Variants in DPP9 observed in about 807,000 individuals in gnomAD.
DPP9 encodes the protein dipeptidyl peptidase IV-related protein-2.
In DPP9, 50 loss-of-function variants were observed where a neutral mutation model predicts 110.7. The ratio of observed to expected loss-of-function variants is 0.45; its 90% CI spans 0.36 to 0.57. DPP9 has a LOEUF of 0.57. DPP9 is among the 20% of genes least tolerant of loss of function. DPP9 has a pLI of 0.00. For synonymous variants in DPP9, 561 were observed against 514.4 expected (o/e 1.09, Z -1.23); for missense variants, 1,022 against 1,217.9 (o/e 0.84, Z 2.39).
intron 2 of DPP9, among the ~76,000 whole-genome samples, chr19:4,720,343 C>T (rs2093265282): frequency 6.6e-6 from 1 of 152,198 alleles, no homozygotes; most frequent in Admixed American, 6.5e-5. Flanking sequence ...ACACTTGCCT[C>T]CTTCTTGTCC....
At chr19:4,715,013 T>C (rs1405287216) in intron 3 of DPP9, among the ~76,000 whole-genome samples, 2 of 137,282 alleles carry the variant, frequency 1.5e-5, no homozygotes, top group Admixed American at 8.4e-5. Context: ...TGTTTATATA[T>C]ATATACTTTT....
Position 4,695,312 on chromosome 19 carries a change from G to A in DPP9, c.1353+66C>T, listed in dbSNP as rs953623295. 1.4e-5 allele frequency: 21 copies of A among 1,457,712 alleles called. No individual in the cohort carries two copies. Among genetic ancestry groups the A allele is most frequent in the Non-Finnish European group, 1.7e-5 (19 of 1,094,528 alleles). The allele number at this position is 1,457,712 out of a possible 1,614,324, so 90.3% of individuals were successfully genotyped here. A position where few individuals can be genotyped will look rare whatever the true frequency, so the allele number is the denominator to read the frequency against. On this transcript the variant is annotated intron_variant, in intron 12 of 21. Transcript: ENST00000262960. This position sits in a 1 kb window ranked among gnomAD's most constrained non-coding sequence, Gnocchi z 4.7. The stretch of plus-strand genomic sequence containing the variant: ...CCATTGGCGCTCAGCCTTCTAGGAC[G>A]TGGGGGTGGGGACAGTGTGACTCCA...
In DPP9 at chr19:4,685,898, A is replaced by G; in HGVS notation, c.1886-127T>C. On this transcript the variant is annotated intron_variant, in intron 16 of 21. Coordinates refer to ENST00000262960, the MANE Select transcript of DPP9 (RefSeq NM_139159.5). This position sits in a 1 kb window ranked among gnomAD's most constrained non-coding sequence, Gnocchi z 5.8. ...ACCCCCTCTTTTCCTGGGCTTCCCG[A>G]GAGTTGATAATTGAAAAAAACGTTT... The G allele has an allele frequency of 2.6e-6, 3 of 1,136,464 alleles. No individual in the cohort carries two copies. Among genetic ancestry groups the G allele is most frequent in the South Asian group, 1.6e-5 (1 of 62,778 alleles). 70.4% of individuals were successfully genotyped at this position (1,136,464 alleles called of 1,614,324 possible).
chr19:4,721,837 T>A (rs965372945), intron 2 of DPP9, among the ~76,000 whole-genome samples: 1 of 151,766 alleles, frequency 6.6e-6, no homozygotes, highest in African/African-American at 2.4e-5. Flanking sequence ...AGGGAAGAGG[T>A]TAAGCATAAA....
At chr19:4,717,089 G>T (rs1430210337) in intron 3 of DPP9, among the ~76,000 whole-genome samples, 7 of 152,182 alleles carry the variant, frequency 4.6e-5, no homozygotes, top group Admixed American at 4.6e-4. Context: ...CGACCCCAAA[G>T]AAATGACAGG....
Position 4,695,453 on chromosome 19 carries a change from T to C in DPP9, c.1278A>G (p.Leu426=). Residue 426 remains leucine, a synonymous_variant, in exon 12 of 22, where the codon CTA becomes CTG. Coordinates refer to ENST00000262960, the MANE Select transcript of DPP9 (RefSeq NM_139159.5). The surrounding 1 kb of genome is among the most constrained non-coding windows in gnomAD (Gnocchi z 4.7). ...TCCTGGGGACAGCTCTGGCAGAGGC[T>C]AGCCGCTGCTCCTCATTCTCTGTGC... The part of the protein sequence containing the change: ...IPSTENEEQR[L]ASARAVPRNV... 6.3e-7 allele frequency: 1 copy of C among 1,589,852 alleles called. No homozygotes were observed. Among genetic ancestry groups the C allele is most frequent in the Non-Finnish European group, 8.6e-7 (1 of 1,168,882 alleles).
In DPP9 at chr19:4,714,136, C is replaced by T; in HGVS notation, c.258G>A (p.Gln86=). 1 of 1,613,570 alleles carries T rather than the reference C, an allele frequency of 6.2e-7. No individual in the cohort carries two copies. The change falls in exon 4 of 22, where the codon CAG becomes CAA. Residue 86 remains glutamine (Q), a synonymous_variant. Transcript: ENST00000262960. The stretch of plus-strand genomic sequence containing the variant: ...CAGACTCATCCGTCTTCTGCACAAA[C>T]TGGAAGTCGTGGGGCGCCTTGTTGA... ...LIVNKAPHDF[Q]FVQKTDESGP... is the part of the protein sequence containing the mutation.
chr19:4,695,027 T>G lies in DPP9; in HGVS notation c.1354-204A>C. ...TTAGCCAGGCATGGTGGTGCAGGCT[T>G]GTGGTCCTAGCTACTCTGGAGGCTG... On this transcript the variant is annotated intron_variant, in intron 12 of 21. Transcript: ENST00000262960. The surrounding 1 kb of genome is among the most constrained non-coding windows in gnomAD (Gnocchi z 4.7). 1 of 620,944 alleles carries G rather than the reference T, an allele frequency of 1.6e-6. No homozygotes were observed. The highest frequency in any genetic ancestry group is 2.8e-6 in the Non-Finnish European group (1 of 357,780). The allele number at this position is 620,944 out of a possible 1,614,324, so 38.5% of individuals were successfully genotyped here.
At chr19:4,681,229 G>T (rs188976496) in intron 20 of DPP9, among the ~76,000 whole-genome samples, 1 of 152,230 alleles carries the variant, frequency 6.6e-6, no homozygotes. Context: ...AGGGTTTGAC[G>T]CTGGAGTGCT....
chr19:4,688,849 G>C lies in DPP9; in HGVS notation c.1793C>G (p.Pro598Arg). ...CAGCTTGTAGACGTGCACGCAGGGC[G>C]GCGTGCTCACGCTGCTGTAGTGGCT... ...FVSHYSSVST[P>R]PCVHVYKLSG... Residue 598 changes from proline (P) to arginine (R), a missense_variant, in exon 16 of 22, where the codon CCG becomes CGG. By Grantham distance (103) the Pro-to-Arg change is moderately radical. Around this residue, in one of 3 missense-constraint regions of DPP9, gnomAD observed 810 missense variants for 920.6 expected, o/e 0.88. Transcript: ENST00000262960. 2.6e-6 allele frequency: 4 copies of C among 1,516,280 alleles called. No homozygotes were observed. The highest frequency in any genetic ancestry group is 3.5e-6 in the Non-Finnish European group (4 of 1,145,972). 93.9% of individuals were successfully genotyped at this position (1,516,280 alleles called of 1,614,324 possible).
chr19:4,720,527 C>A (rs1024432548), intron 2 of DPP9, among the ~76,000 whole-genome samples: 5 of 152,198 alleles, frequency 3.3e-5, no homozygotes, highest in African/African-American at 1.2e-4. Flanking sequence ...CTGGCGACCC[C>A]CATCACCACA....
chr19:4,709,524 C>T (rs1198888687), intron 4 of DPP9, among the ~76,000 whole-genome samples: 2 of 152,226 alleles, frequency 1.3e-5, no homozygotes, highest in East Asian at 1.9e-4. Flanking sequence ...GGACCCTGCC[C>T]GTCCGGCCGC....
chr19:4,723,382 T>C (rs1190757013), intron 1 of DPP9, among the ~76,000 whole-genome samples: 2 of 151,958 alleles, frequency 1.3e-5, no homozygotes, highest in African/African-American at 4.8e-5. Context: ...GGTCAGAGCC[T>C]GGTGGCCTGG....
chr19:4,720,637 C>T (rs1267151395), intron 2 of DPP9, among the ~76,000 whole-genome samples: 1 of 152,004 alleles, frequency 6.6e-6, no homozygotes, highest in Non-Finnish European at 1.5e-5. Context: ...TCAGGGGACA[C>T]TGGACAATGT....
rs1214521650 is a variant in DPP9, at chr19:4,693,939, C to T, written c.1516+722G>A. ...GGCCTTTGTACGGGCTGTGGCTCTG[C>T]CCAGAGCCGTGGTGTGGACCCCTCA... On this transcript the variant is annotated intron_variant, in intron 13 of 21. Coordinates refer to ENST00000262960, the MANE Select transcript of DPP9 (RefSeq NM_139159.5). This position sits in a 1 kb window ranked among gnomAD's most constrained non-coding sequence, Gnocchi z 5.0. 1.3e-5 allele frequency among the ~76,000 whole-genome samples: 2 copies of T among 151,988 alleles called. No homozygotes were observed. The highest frequency in any genetic ancestry group is 2.4e-5 in the African/African-American group (1 of 41,388).
At chr19:4,708,839 G>T (rs1304549008) in intron 4 of DPP9, among the ~76,000 whole-genome samples, 1 of 152,150 alleles carries the variant, frequency 6.6e-6, no homozygotes, top group Non-Finnish European at 1.5e-5. Flanking sequence ...TACTAGCCTG[G>T]GTGATGAAAT....
At chr19:4,688,096 C>T (rs1378442502) in intron 16 of DPP9, among the ~76,000 whole-genome samples, 2 of 151,990 alleles carry the variant, frequency 1.3e-5, no homozygotes, top group African/African-American at 4.8e-5. Context: ...GCGCCTGGCC[C>T]AAAATGTTTT....
chr19:4,690,907 A>G lies in DPP9; in HGVS notation c.1567T>C (p.Trp523Arg). Residue 523 changes from tryptophan (W) to arginine (R), a missense_variant, in exon 14 of 22, where the codon TGG (tryptophan) becomes CGG (arginine). This residue lies in a region of DPP9 where 810 missense variants were observed against 920.6 expected (regional missense o/e 0.88). Coordinates refer to ENST00000262960, the MANE Select transcript of DPP9 (RefSeq NM_139159.5). ...GAGCCGTGCCTCGCCAAAACCTCCC[A>G]TTCACCGCTGGTCAGAGCAATCTCT... ...KEEIALTSGE[W>R]EVLARHGSKI... The G allele has an allele frequency of 6.2e-7, 1 of 1,613,452 alleles. No homozygotes were observed. Among genetic ancestry groups the G allele is most frequent in the Non-Finnish European group, 8.5e-7 (1 of 1,179,728 alleles).
In DPP9 at chr19:4,697,649, G is replaced by T. The variant is rs759316387; in HGVS notation, c.1077C>A (p.Ile359=). The change falls in exon 11 of 22, where the codon ATC becomes ATA. Residue 359 remains isoleucine, a splice_region_variant and synonymous_variant. Coordinates refer to ENST00000262960, the MANE Select transcript of DPP9 (RefSeq NM_139159.5). ...CCAGCTCCTTCTCCTGGGTCGAGAC[G>T]ATCTGAAGGGAAACAAACAGGTGTG... ...AEFQTDSQGK[I]VSTQEKELVQ... The T allele has an allele frequency of 1.2e-6, 2 of 1,613,628 alleles. No homozygotes were observed. Among genetic ancestry groups the T allele is most frequent in the South Asian group, 2.2e-5 (2 of 91,054 alleles).
Sources: gnomAD v4.1 joint callset for allele counts (sites outside exome capture counted in the v4.1 genomes callset) on GRCh38, gnomAD v4.1.1 for gene constraint, gnomAD v4.1.1 regional missense constraint, Gnocchi (gnomAD v3.1) non-coding constraint, MANE v1.5 for transcripts, NCBI Gene and HGNC (gene_info 2026-07-23, HGNC 2026-07-21) for gene names.